The following SNX29 variants were observed in gnomAD, a reference collection of about 807,000 sequenced individuals.
SNX29 encodes sorting nexin 29.
SNX29 carries 78 observed loss-of-function variants against 102.1 expected under a neutral mutation model. The observed-to-expected ratio is 0.76, with a 90% CI of 0.64 to 0.92. The LOEUF is 0.92. Ranked by LOEUF, SNX29 falls within the 40% of genes least tolerant of loss-of-function variation. The pLI, the probability that SNX29 is intolerant of heterozygous loss-of-function variation, is 0.00. For synonymous variants in SNX29, 580 were observed against 414.5 expected, an observed-to-expected ratio of 1.40 and a Z score of -4.85; for missense variants, 1,280 against 1,061.7, an observed-to-expected ratio of 1.21 and a Z score of -2.86.
rs1157975063 is a variant in SNX29 at position 12,461,955 on chromosome 16, C to CA, written c.2038-15740dup. On this transcript the variant is annotated intron_variant, in intron 18 of 20. Coordinates refer to ENST00000566228, the MANE Select transcript of SNX29 (RefSeq NM_032167.5). The stretch of plus-strand genomic sequence containing the variant: ...TGGGTGACAGAGCGAGACTCTGTCT[C>CA]AAAAAAAAAAAAAAAAAAAAAAAAT... Among the ~76,000 whole-genome samples the CA allele has an allele frequency of 1.2e-3, 31 of 25,494 alleles. 1 individual carries two copies. Among genetic ancestry groups the CA allele is most frequent in the South Asian group, 4.1e-3 (1 of 244 alleles). 16.7% of individuals were successfully genotyped at this position (25,494 alleles called of 152,430 possible). A position where few individuals can be genotyped will look rare whatever the true frequency, so the allele number is the denominator to read the frequency against.
At chr16:12,349,120 T>C (rs1360063010) in intron 15 of SNX29, among the ~76,000 whole-genome samples, 1 of 152,242 alleles carries the variant, frequency 6.6e-6, no homozygotes, top group Admixed American at 6.5e-5. Flanking sequence ...ATAAACTGTG[T>C]AGCTTTAGAC....
chr16:12,475,386 C>T (rs529313750), intron 18 of SNX29, among the ~76,000 whole-genome samples: 2 of 152,152 alleles, frequency 1.3e-5, no homozygotes, highest in Non-Finnish European at 2.9e-5. Flanking sequence ...TTATTTAGAT[C>T]AGGGGTTATC....
chr16:12,569,320 C>G lies in SNX29; in HGVS notation c.*691C>G, dbSNP rs374073878. ...TGGCTGGCTTCAGGAAGGACCAGTG[C>G]CCTCCATAGCCTGAGGCCACCTAGG... On this transcript the variant is annotated 3_prime_UTR_variant, in exon 21 of 21. Coordinates refer to ENST00000566228, the MANE Select transcript of SNX29 (RefSeq NM_032167.5). 1.3e-5 allele frequency: 3 copies of G among 229,668 alleles called. No individual in the cohort carries two copies. The allele number at this position is 229,668 out of a possible 1,614,324, so 14.2% of individuals were successfully genotyped here.
chr16:12,301,821 A>G (rs1389720859), intron 15 of SNX29, among the ~76,000 whole-genome samples: 1 of 152,190 alleles, frequency 6.6e-6, no homozygotes, highest in Non-Finnish European at 1.5e-5. Context: ...CTATGGACAG[A>G]GAAAGAAAGA....
intron 15 of SNX29, among the ~76,000 whole-genome samples, chr16:12,353,177 G>A (rs999775455): frequency 1.3e-5 from 2 of 152,120 alleles, no homozygotes; most frequent in Non-Finnish European, 2.9e-5. Context: ...TAAGATCCTA[G>A]CACTGTGCCT....
chr16:12,538,295 G>GT (rs372046568), intron 20 of SNX29, among the ~76,000 whole-genome samples: 3 of 151,778 alleles, frequency 2.0e-5, no homozygotes, highest in South Asian at 4.2e-4. Context: ...TTGTATTTTT[G>GT]TTTTTTAGTA....
At chr16:12,233,688 CAT>C (rs1360255917) in intron 14 of SNX29, among the ~76,000 whole-genome samples, 1 of 152,164 alleles carries the variant, frequency 6.6e-6, no homozygotes, top group Non-Finnish European at 1.5e-5. Context: ...TTAGTATATT[CAT>C]AGAGTTGTGC....
chr16:12,384,559 G>A lies in SNX29; in HGVS notation c.1900-13887G>A, dbSNP rs536933637. On this transcript the variant is annotated intron_variant, in intron 16 of 20. Coordinates refer to ENST00000566228, the MANE Select transcript of SNX29 (RefSeq NM_032167.5). Reference sequence around the variant, plus strand: ...CAGATCTTTTGCCTGGTTTTTAATTGGATTATTAGATTTTTTTCTTGTTGA... The same window carrying A: ...CAGATCTTTTGCCTGGTTTTTAATTAGATTATTAGATTTTTTTCTTGTTGA... Among the ~76,000 whole-genome samples the A allele has an allele frequency of 5.3e-5, 8 of 152,148 alleles. No homozygotes were observed. In the South Asian group the frequency reaches 1.7e-3, roughly 32 times the overall value.
chr16:12,010,051 A>G (rs1389779138), intron 3 of SNX29, among the ~76,000 whole-genome samples: 3 of 152,294 alleles, frequency 2.0e-5, no homozygotes, highest in African/African-American at 4.8e-5. Flanking sequence ...ATTTTGGGCA[A>G]GTTTCTTTCT....
At chr16:12,542,951 T>C (rs376976373) in intron 20 of SNX29, among the ~76,000 whole-genome samples, 114 of 152,240 alleles carry the variant, frequency 7.5e-4, no homozygotes, top group African/African-American at 2.4e-3. Flanking sequence ...CAAATTAGCT[T>C]GAAGCAGAAA....
At chr16:12,433,506 C>G (rs1287688542) in intron 18 of SNX29, among the ~76,000 whole-genome samples, 2 of 151,824 alleles carry the variant, frequency 1.3e-5, no homozygotes, top group African/African-American at 4.8e-5. Flanking sequence ...TGGCATATGC[C>G]TGTAGTCCCA....
At chr16:12,073,196 C>G (rs1193994294) in intron 10 of SNX29, among the ~76,000 whole-genome samples, 5 of 152,020 alleles carry the variant, frequency 3.3e-5, no homozygotes, top group African/African-American at 1.2e-4. Flanking sequence ...TTAGTTATTT[C>G]TTGCCTTCTG....
intron 16 of SNX29, among the ~76,000 whole-genome samples, chr16:12,383,095 A>G (rs1313958742): frequency 6.6e-6 from 1 of 152,190 alleles, no homozygotes; most frequent in Non-Finnish European, 1.5e-5. Context: ...CAAGTAATAC[A>G]TGAAGACATT....
chr16:12,491,354 C>G (rs569957940), intron 19 of SNX29, among the ~76,000 whole-genome samples: 47 of 152,306 alleles, frequency 3.1e-4, no homozygotes, highest in African/African-American at 1.0e-3. Flanking sequence ...AAATTGTACT[C>G]CAAGATGGCA....
intron 19 of SNX29, among the ~76,000 whole-genome samples, chr16:12,511,882 G>A (rs1296111202): frequency 6.6e-6 from 1 of 152,020 alleles, no homozygotes; most frequent in Non-Finnish European, 1.5e-5. Context: ...GTTCATTCTA[G>A]GTGGACCAGG....
intron 14 of SNX29, among the ~76,000 whole-genome samples, chr16:12,268,387 C>G (rs908619006): frequency 6.6e-6 from 1 of 152,176 alleles, no homozygotes; most frequent in African/African-American, 2.4e-5. Flanking sequence ...CCCTGCTAAG[C>G]GGTAGAGCCA....
At chr16:12,374,628 C>G (rs1489233238) in intron 16 of SNX29, 1 of 152,194 alleles carries the variant, frequency 6.6e-6, no homozygotes, top group Non-Finnish European at 1.5e-5. Flanking sequence ...CTTGGAGACC[C>G]TGACAAAGTG....
At chr16:12,390,149 G>GGTGTGT (rs34547147) in intron 16 of SNX29, among the ~76,000 whole-genome samples, 12,190 of 145,570 alleles carry the variant, frequency 0.084, 575 homozygotes, top group Middle Eastern at 0.15. Flanking sequence ...GCAATTGAGG[G>GGTGTGT]GTGTGTGTGT....
At position 12,067,022 on chromosome 16, in the gene SNX29, AATAAATAAAT is replaced by A. The variant is rs1202491049; in HGVS notation, c.1244-2033_1244-2024del. Among the ~76,000 whole-genome samples, 457 of 148,170 alleles carry A rather than the reference AATAAATAAAT, an allele frequency of 3.1e-3. 5 individuals carry two copies. The highest frequency in any genetic ancestry group is 0.011 in the African/African-American group (436 of 38,462). On this transcript the variant is annotated intron_variant, in intron 9 of 20. Coordinates refer to ENST00000566228, the MANE Select transcript of SNX29 (RefSeq NM_032167.5). ...AAATAAATAAATAAATAAATAAATA[AATAAATAAAT>A]AAGCAGGCCAGTCATGAGGGTGCAT... is the stretch of plus-strand genomic sequence containing the variant.
Sources: allele counts gnomAD v4.1 joint callset (sites outside exome capture counted in the v4.1 genomes callset), GRCh38; gene constraint gnomAD v4.1.1; transcripts MANE v1.5; gene names NCBI Gene and HGNC (gene_info 2026-07-23, HGNC 2026-07-21).